Variants in DSCAM observed in about 807,000 individuals in gnomAD.
DSCAM encodes DS cell adhesion molecule, also known as cell adhesion molecule DSCAM.
DSCAM carries 47 observed loss-of-function variants against 217.7 expected under a neutral mutation model. The observed-to-expected ratio is 0.22, with a 90% CI of 0.17 to 0.28. DSCAM has a LOEUF of 0.28. Among genes scored for constraint, DSCAM ranks in the 10% least tolerant of loss-of-function variants. The pLI is 1.00. For synonymous variants in DSCAM, 1,056 were observed against 1,015.3 expected (o/e 1.04, Z -0.76); for missense variants, 2,080 against 2,618.3 (o/e 0.79, Z 4.49).
chr21:40,474,819 G>A, intron 3 of DSCAM, among the ~76,000 whole-genome samples: 1 of 152,118 alleles, frequency 6.6e-6, no homozygotes, highest in Non-Finnish European at 1.5e-5. Flanking sequence ...GAGACTGAGG[G>A]GAACGTTGTT....
intron 18 of DSCAM, among the ~76,000 whole-genome samples, 171 bp downstream of exon 18, chr21:40,142,387 A>T (rs573820448): frequency 6.6e-6 from 1 of 152,326 alleles, no homozygotes; most frequent in African/African-American, 2.4e-5. Context: ...TGTTTTAAAC[A>T]AAGAGACCTG....
intron 1 of DSCAM, among the ~76,000 whole-genome samples, chr21:40,761,658 C>A (rs1350317719): frequency 6.6e-6 from 1 of 152,186 alleles, no homozygotes; most frequent in East Asian, 1.9e-4. Flanking sequence ...GCTTTCTTAA[C>A]AGCCCTAACA....
rs187179024 is a variant in DSCAM, at chr21:40,431,971, G to A, written c.509-62726C>T. Among the ~76,000 whole-genome samples the A allele has an allele frequency of 7.0e-3, 1,063 of 152,202 alleles. 18 individuals are homozygous for A. The highest frequency in any genetic ancestry group is 7.2e-3 in the Non-Finnish European group (488 of 68,008). ...TCCCAGCACTTTGGGAGGCCAAGGC[G>A]GGCAGGTCACCTGAGGTCAGGAGTT... On this transcript the variant is annotated intron_variant, in intron 3 of 32. Transcript: ENST00000400454.
At chr21:40,281,920 T>C (rs1480200630) in intron 10 of DSCAM, among the ~76,000 whole-genome samples, 4 of 152,198 alleles carry the variant, frequency 2.6e-5, no homozygotes, top group African/African-American at 9.6e-5. Context: ...ACTCTTTTTT[T>C]GTTCTCGTTG....
At chr21:40,068,514 G>A (rs2089243902) in intron 27 of DSCAM, among the ~76,000 whole-genome samples, 1 of 152,154 alleles carries the variant, frequency 6.6e-6, no homozygotes, top group African/African-American at 2.4e-5. Context: ...AAAATCAATA[G>A]ACCAAGTATT....
intron 16 of DSCAM, among the ~76,000 whole-genome samples, chr21:40,161,060 T>C (rs2090535505): frequency 6.6e-6 from 1 of 150,476 alleles, no homozygotes. Flanking sequence ...GCATCAGACC[T>C]AGATTCCACC....
At chr21:40,496,077 ATGT>A (rs1485388370) in intron 3 of DSCAM, among the ~76,000 whole-genome samples, 2 of 152,182 alleles carry the variant, frequency 1.3e-5, no homozygotes, top group Non-Finnish European at 1.5e-5. Context: ...GGAATAATTA[ATGT>A]TGTTAAGATG....
At chr21:40,452,938 T>A (rs1474593025) in intron 3 of DSCAM, among the ~76,000 whole-genome samples, 1 of 152,154 alleles carries the variant, frequency 6.6e-6, no homozygotes, top group Non-Finnish European at 1.5e-5. Context: ...CCATATTAAG[T>A]TCAGAATGGC....
chr21:40,488,455 G>A (rs2076048344), intron 3 of DSCAM, among the ~76,000 whole-genome samples: 1 of 152,214 alleles, frequency 6.6e-6, no homozygotes, highest in Non-Finnish European at 1.5e-5. Context: ...TAGTTTCAAT[G>A]AGAAACTGCT....
intron 1 of DSCAM, among the ~76,000 whole-genome samples, chr21:40,724,998 T>G (rs1330875810): frequency 6.6e-6 from 1 of 151,724 alleles, no homozygotes; most frequent in African/African-American, 2.4e-5. Context: ...CCCTAAGTCA[T>G]GAGTGATGAC....
intron 16 of DSCAM, among the ~76,000 whole-genome samples, chr21:40,151,933 A>G (rs2090426656): frequency 6.6e-6 from 1 of 152,192 alleles, no homozygotes; most frequent in African/African-American, 2.4e-5. Context: ...TTATTTGGAC[A>G]CTGTCATTCA....
chr21:40,247,793 G>T (rs949812081), intron 11 of DSCAM, among the ~76,000 whole-genome samples: 1 of 152,214 alleles, frequency 6.6e-6, no homozygotes, highest in African/African-American at 2.4e-5. Context: ...CCCCAGTAGG[G>T]ACTCTGTGTG....
chr21:40,348,196 T>C (rs1391871690), intron 5 of DSCAM, among the ~76,000 whole-genome samples: 210 of 152,104 alleles, frequency 1.4e-3, no homozygotes, highest in Non-Finnish European at 2.3e-3. Flanking sequence ...AGCCACATTA[T>C]TGCAATCGTA....
chr21:40,796,979 A>G (rs1056817596), intron 1 of DSCAM, among the ~76,000 whole-genome samples: 6 of 152,204 alleles, frequency 3.9e-5, no homozygotes, highest in Non-Finnish European at 7.3e-5. Context: ...ACTGTAAAAC[A>G]TTCTAGGACT....
chr21:40,449,374 T>A (rs1326222764), intron 3 of DSCAM, among the ~76,000 whole-genome samples: 1 of 152,212 alleles, frequency 6.6e-6, no homozygotes, highest in Non-Finnish European at 1.5e-5. Context: ...CTCAAGTATA[T>A]TCCTCACCTG....
chr21:40,348,603 C>G (rs1405781309), intron 5 of DSCAM, among the ~76,000 whole-genome samples: 5 of 152,150 alleles, frequency 3.3e-5, no homozygotes, highest in Non-Finnish European at 7.4e-5. Flanking sequence ...AAACTCCACA[C>G]AGCTCCTATC....
At chr21:40,117,523 A>T (rs2089984647) in intron 20 of DSCAM, among the ~76,000 whole-genome samples, 1 of 152,194 alleles carries the variant, frequency 6.6e-6, no homozygotes, top group African/African-American at 2.4e-5. Flanking sequence ...AGTGAAGATA[A>T]CAATCATAAC....
At chr21:40,367,951 A>C (rs2074851563) in intron 4 of DSCAM, among the ~76,000 whole-genome samples, 1 of 152,212 alleles carries the variant, frequency 6.6e-6, no homozygotes, top group African/African-American at 2.4e-5. Flanking sequence ...AAATGAACAA[A>C]CATCGTGGGA....
At chr21:40,592,311 T>C (rs2146245257) in intron 3 of DSCAM, among the ~76,000 whole-genome samples, 1 of 152,334 alleles carries the variant, frequency 6.6e-6, no homozygotes, top group Non-Finnish European at 1.5e-5. Context: ...TCTGATAAAC[T>C]ATATTAACTC....
Sources: gnomAD v4.1 joint callset for allele counts (sites outside exome capture counted in the v4.1 genomes callset) on GRCh38, gnomAD v4.1.1 for gene constraint, MANE v1.5 for transcripts, NCBI Gene and HGNC (gene_info 2026-07-23, HGNC 2026-07-21) for gene names.